The following KIAA0319 variants were observed in gnomAD, a reference collection of about 807,000 sequenced individuals.
KIAA0319 encodes KIAA0319.
KIAA0319 carries 83 observed loss-of-function variants against 108.4 expected under a neutral mutation model. The ratio of observed to expected loss-of-function variants is 0.77; its 90% CI spans 0.64 to 0.92. The LOEUF (loss-of-function observed/expected upper bound fraction) is 0.92. Among genes scored for constraint, KIAA0319 ranks in the 40% least tolerant of loss-of-function variants. KIAA0319 has a pLI of 0.00. For missense variants in KIAA0319, 1,195 were observed against 1,322.4 expected, an observed-to-expected ratio of 0.90 and a Z score of 1.49; for synonymous variants, 484 against 510.4, an observed-to-expected ratio of 0.95 and a Z score of 0.70.
intron 2 of KIAA0319, chr6:24,598,073 G>T: frequency 2.5e-6 from 1 of 399,544 alleles, no homozygotes. Flanking sequence ...TGGGCCTTCA[G>T]CAGCCACTCC....
chr6:24,569,916 A>C lies in KIAA0319; in HGVS notation c.1978T>G (p.Trp660Gly). ...SDDHGIVFYH[W>G]EHVRGPSAVE... is the part of the protein sequence containing the mutation. ...GAGACAGACTACCTGACGTGCTCCC[A>C]GTGGTAGAAGACAATGCCGTGGTCA... Residue 660 changes from tryptophan (W) to glycine (G), a missense_variant, in exon 12 of 21, where the codon TGG becomes GGG. Coordinates refer to ENST00000378214, the MANE Select transcript of KIAA0319 (RefSeq NM_014809.4). 6.2e-7 allele frequency: 1 copy of C among 1,614,108 alleles called. No homozygotes were observed. Among genetic ancestry groups the C allele is most frequent in the Non-Finnish European group, 8.5e-7 (1 of 1,179,960 alleles).
In KIAA0319 at chr6:24,596,192, C is replaced by T. The variant is rs147251392; in HGVS notation, c.482G>A (p.Arg161Gln). The change falls in exon 3 of 21, where the codon CGG becomes CAG. Residue 161 changes from arginine (R) to glutamine (Q), a missense_variant. Transcript: ENST00000378214. ...EEMSEYSDDY[R>Q]ELEKDLLQPS... ...TTGCAAGAGGTCCTTCTCCAGCTCC[C>T]GGTAGTCATCTGAGTACTCAGACAT... 3.0e-4 allele frequency: 479 copies of T among 1,614,170 alleles called. No individual in the cohort carries two copies. Among genetic ancestry groups the T allele is most frequent in the Non-Finnish European group, 3.6e-4 (425 of 1,180,030 alleles).
chr6:24,621,450 C>G (rs1773918105), intron 1 of KIAA0319, among the ~76,000 whole-genome samples: 1 of 152,136 alleles, frequency 6.6e-6, no homozygotes, highest in Non-Finnish European at 1.5e-5. Flanking sequence ...AGGGGACATC[C>G]AGAGACACAG....
chr6:24,565,625 T>C (rs1236723645), intron 14 of KIAA0319, among the ~76,000 whole-genome samples: 1 of 150,798 alleles, frequency 6.6e-6, no homozygotes, highest in Non-Finnish European at 1.5e-5. Context: ...TGGTGGCACG[T>C]GCCTGTAGTC....
chr6:24,593,386 C>CTTTTT (rs58826962), intron 3 of KIAA0319, among the ~76,000 whole-genome samples: 16 of 79,360 alleles, frequency 2.0e-4, no homozygotes, highest in Middle Eastern at 8.5e-3. Context: ...GAATAATTAT[C>CTTTTT]TTTTTTTTTT....
At position 24,559,125 on chromosome 6, in the gene KIAA0319, C is replaced by G. The variant is rs997214312; in HGVS notation, c.2622G>C (p.Arg874Ser). ...STVIVFYVQS[R>S]PPFKVLKAAE... The stretch of plus-strand genomic sequence containing the variant: ...CAGCTTTGAGAACCTTGAAAGGCGG[C>G]CTGCTCTGTACATAAAACACAATCA... Residue 874 changes from arginine (R) to serine (S), a missense_variant, in exon 17 of 21, where the codon AGG (arginine) becomes AGC (serine). Physicochemically the swap from Arg to Ser is moderately radical, Grantham distance 110 (BLOSUM62 -1). Transcript: ENST00000378214. The G allele has an allele frequency of 8.1e-6, 13 of 1,613,384 alleles. No homozygotes were observed. Among genetic ancestry groups the G allele is most frequent in the Non-Finnish European group, 8.5e-6 (10 of 1,180,032 alleles).
intron 11 of KIAA0319, among the ~76,000 whole-genome samples, chr6:24,571,684 C>A (rs543623748): frequency 3.9e-5 from 6 of 152,292 alleles, no homozygotes; most frequent in African/African-American, 1.4e-4. Context: ...TTCGAATGTA[C>A]CAGACTCTCT....
intron 7 of KIAA0319, among the ~76,000 whole-genome samples, 176 bp downstream of exon 7, chr6:24,580,750 A>C (rs1401306825): frequency 1.3e-5 from 2 of 150,872 alleles, no homozygotes; most frequent in Non-Finnish European, 2.9e-5. Flanking sequence ...GTGTTATGCG[A>C]AAGGTAGAAA....
chr6:24,614,088 CA>C (rs1772787728), intron 1 of KIAA0319, among the ~76,000 whole-genome samples: 1 of 152,156 alleles, frequency 6.6e-6, no homozygotes, highest in Non-Finnish European at 1.5e-5. Flanking sequence ...AAACGCAGGT[CA>C]ACTAAAAACA....
downstream of KIAA0319, among the ~76,000 whole-genome samples, chr6:24,543,043 C>CTT (rs1429464711): frequency 2.6e-5 from 4 of 152,184 alleles, no homozygotes; most frequent in Non-Finnish European, 5.9e-5. Context: ...TGAAACCCAT[C>CTT]TTTGTTTTAC....
At chr6:24,637,323 A>G (rs940558948) in intron 1 of KIAA0319, among the ~76,000 whole-genome samples, 6 of 152,262 alleles carry the variant, frequency 3.9e-5, no homozygotes, top group Non-Finnish European at 8.8e-5. Flanking sequence ...AATGCCTGGA[A>G]AAGCTTCACC....
intron 20 of KIAA0319, among the ~76,000 whole-genome samples, chr6:24,548,330 G>A (rs1760934441): frequency 6.6e-6 from 1 of 152,120 alleles, no homozygotes; most frequent in Admixed American, 6.6e-5. Flanking sequence ...AAATAGAGAG[G>A]GGGTCTTGCC....
intron 1 of KIAA0319, among the ~76,000 whole-genome samples, chr6:24,635,778 AC>A (rs1776128851): frequency 6.6e-6 from 1 of 152,220 alleles, no homozygotes; most frequent in African/African-American, 2.4e-5. Flanking sequence ...TCCAGAGGAG[AC>A]TGCTTTCAAC....
intron 9 of KIAA0319, among the ~76,000 whole-genome samples, chr6:24,576,857 C>G (rs1765619913): frequency 6.6e-6 from 1 of 151,184 alleles, no homozygotes. Flanking sequence ...CCCGGGAGGT[C>G]AAGGCTGCAG....
chr6:24,593,552 C>T (rs913240991), intron 3 of KIAA0319, among the ~76,000 whole-genome samples: 1 of 151,752 alleles, frequency 6.6e-6, no homozygotes, highest in Admixed American at 6.6e-5. Context: ...AGGCACATAC[C>T]GCCACGCCTG....
intron 10 of KIAA0319, 106 bp from the exon 11 acceptor site, chr6:24,572,804 A>G: frequency 8.9e-7 from 1 of 1,121,538 alleles, no homozygotes; most frequent in Non-Finnish European, 1.2e-6. Context: ...TACTTAATAC[A>G]GAGATCTTGC....
At chr6:24,594,605 C>T (rs1244251827) in intron 3 of KIAA0319, among the ~76,000 whole-genome samples, 33 of 146,032 alleles carry the variant, frequency 2.3e-4, no homozygotes, top group Admixed American at 1.7e-3. Flanking sequence ...CCAGCCTGGG[C>T]GACAGAGCAA....
Position 24,579,912 on chromosome 6 carries a change from G to A in KIAA0319, c.1318C>T (p.Pro440Ser). 6.2e-7 allele frequency: 1 copy of A among 1,601,992 alleles called. No individual in the cohort carries two copies. The highest frequency in any genetic ancestry group is 1.7e-5 in the Admixed American group (1 of 58,750). ...GGCAAAGTGAGCTCTTGCAGTTGGG[G>A]AGAAACAACTGCTACAGGTGGCAGG... ...VNLPPVAVVS[P>S]QLQELTLPLT... The change falls in exon 8 of 21, where the codon CCC becomes TCC. Residue 440 changes from proline (P) to serine (S), a missense_variant. Pro to Ser is a moderately conservative substitution (Grantham distance 74). Transcript: ENST00000378214.
At position 24,564,275 on chromosome 6, in the gene KIAA0319, G is replaced by A. The variant is rs1763552403; in HGVS notation, c.2358C>T (p.Tyr786=). ...LQLTNLVEGV[Y]TFHLRVTDSQ... is the part of the protein sequence containing the mutation. The stretch of plus-strand genomic sequence containing the variant: ...TGTCGGTGACTCGCAAGTGGAAAGT[G>A]TACACCCCCTCCACCAGATTCGTAA... Residue 786 remains tyrosine, a synonymous_variant, in exon 15 of 21, where the codon TAC becomes TAT. Coordinates refer to ENST00000378214, the MANE Select transcript of KIAA0319 (RefSeq NM_014809.4). 2 of 1,614,040 alleles carry A rather than the reference G, an allele frequency of 1.2e-6. No homozygotes were observed. Among genetic ancestry groups the A allele is most frequent in the East Asian group, 4.5e-5 (2 of 44,892 alleles).
Sources: allele counts gnomAD v4.1 joint callset (sites outside exome capture counted in the v4.1 genomes callset), GRCh38; gene constraint gnomAD v4.1.1; transcripts MANE v1.5; gene names NCBI Gene and HGNC (gene_info 2026-07-23, HGNC 2026-07-21).